Variants in DSCAM observed in about 807,000 individuals in gnomAD.
DSCAM encodes DS cell adhesion molecule.
In DSCAM, 47 loss-of-function variants were observed where a neutral mutation model predicts 217.7. The observed-to-expected ratio is 0.22, with a 90% CI of 0.17 to 0.28. The LOEUF is 0.28. Ranked by LOEUF, DSCAM falls within the 10% of genes least tolerant of loss-of-function variation. The probability of loss-of-function intolerance (pLI) is 1.00; values close to 1 mark genes in which losing one functional copy is unlikely to be tolerated. For synonymous variants in DSCAM, 1,056 were observed against 1,015.3 expected, an observed-to-expected ratio of 1.04 and a Z score of -0.76; for missense variants, 2,080 against 2,618.3, an observed-to-expected ratio of 0.79 and a Z score of 4.49.
intron 1 of DSCAM, among the ~76,000 whole-genome samples, chr21:40,786,926 C>T (rs979979493): frequency 7.9e-5 from 12 of 152,146 alleles, no homozygotes; most frequent in African/African-American, 2.4e-4. Flanking sequence ...CTCAGAGAGG[C>T]TAAGTTACTT....
intron 6 of DSCAM, among the ~76,000 whole-genome samples, chr21:40,342,648 A>ATATAT (rs61637421): frequency 0.012 from 932 of 80,302 alleles, 19 homozygotes; most frequent in Admixed American, 0.021. Context: ...ATATATATAT[A>ATATAT]TTTTTTTTTT....
intron 11 of DSCAM, among the ~76,000 whole-genome samples, chr21:40,271,438 G>T (rs564306464): frequency 6.6e-6 from 1 of 152,184 alleles, no homozygotes; most frequent in African/African-American, 2.4e-5. Context: ...CAGTGTTCCC[G>T]GAAACACGAG....
chr21:40,405,363 G>A (rs1165093783), intron 3 of DSCAM, among the ~76,000 whole-genome samples: 2 of 152,132 alleles, frequency 1.3e-5, no homozygotes, highest in East Asian at 3.8e-4. Context: ...TATATCCACT[G>A]GTGCAATTTT....
At chr21:40,057,935 G>A (rs545451961) in intron 28 of DSCAM, among the ~76,000 whole-genome samples, 1 of 146,270 alleles carries the variant, frequency 6.8e-6, no homozygotes, top group Non-Finnish European at 1.5e-5. Context: ...GAGTGCAGTG[G>A]CGCGATCTCA....
Position 40,180,320 on chromosome 21 carries a change from T to C in DSCAM, c.2780-1226A>G, listed in dbSNP as rs149329099. Among the ~76,000 whole-genome samples, 542 of 152,248 alleles carry C rather than the reference T, an allele frequency of 3.6e-3. 3 individuals carry two copies. The highest frequency in any genetic ancestry group is 5.7e-3 in the Admixed American group (87 of 15,306). On this transcript the variant is annotated intron_variant, in intron 14 of 32. Transcript: ENST00000400454. ...ATTTTCTGGAATTGAAGAAAAAATA[T>C]GTGGCTTAAAGACTGCTTTTGGATA... is the stretch of plus-strand genomic sequence containing the variant.
intron 3 of DSCAM, among the ~76,000 whole-genome samples, chr21:40,459,226 G>T (rs1477604670): frequency 6.6e-6 from 1 of 151,970 alleles, no homozygotes; most frequent in African/African-American, 2.4e-5. Flanking sequence ...ATTAAACTAA[G>T]CAAGAAAAGA....
chr21:40,669,582 T>TTA (rs150530466), intron 3 of DSCAM, among the ~76,000 whole-genome samples: 126 of 43,000 alleles, frequency 2.9e-3, no homozygotes, highest in African/African-American at 5.8e-3. Context: ...CCAAATGTTG[T>TTA]TATATATATT....
At chr21:40,130,909 G>C (rs954521838) in intron 19 of DSCAM, among the ~76,000 whole-genome samples, 1 of 148,910 alleles carries the variant, frequency 6.7e-6, no homozygotes, top group African/African-American at 2.5e-5. Flanking sequence ...CCCTAGATTA[G>C]GAAGACTGGT....
intron 3 of DSCAM, among the ~76,000 whole-genome samples, chr21:40,668,330 C>G (rs1209947538): frequency 6.6e-6 from 1 of 152,196 alleles, no homozygotes; most frequent in Non-Finnish European, 1.5e-5. Context: ...TGACAGGCAG[C>G]ATCAGTTGTG....
intron 20 of DSCAM, 142 bp downstream of exon 20, chr21:40,124,053 A>T: frequency 9.2e-7 from 1 of 1,085,652 alleles, no homozygotes; most frequent in Non-Finnish European, 1.3e-6. Context: ...TTTGTTTTGT[A>T]TGTGGAGACA....
chr21:40,757,954 A>G (rs2091292161), intron 1 of DSCAM, among the ~76,000 whole-genome samples: 1 of 152,188 alleles, frequency 6.6e-6, no homozygotes, highest in Admixed American at 6.5e-5. Context: ...GGAAATAAGA[A>G]CTTTGTAGAT....
intron 27 of DSCAM, among the ~76,000 whole-genome samples, chr21:40,069,140 C>T (rs1205950238): frequency 1.3e-5 from 2 of 151,632 alleles, no homozygotes; most frequent in Non-Finnish European, 2.9e-5. Flanking sequence ...TCATAATGGG[C>T]AGTTCATACT....
At chr21:40,530,006 G>A (rs892719755) in intron 3 of DSCAM, among the ~76,000 whole-genome samples, 1 of 152,194 alleles carries the variant, frequency 6.6e-6, no homozygotes, top group African/African-American at 2.4e-5. Context: ...CTCTAAGGGT[G>A]CTGTTTATTT....
At chr21:40,219,901 C>T (rs918639924) in intron 11 of DSCAM, among the ~76,000 whole-genome samples, 2 of 152,084 alleles carry the variant, frequency 1.3e-5, no homozygotes, top group Non-Finnish European at 2.9e-5. Flanking sequence ...CACCAAATAG[C>T]ATTTTTGAAT....
chr21:40,038,205 G>A (rs2088666588), intron 32 of DSCAM, among the ~76,000 whole-genome samples: 1 of 135,558 alleles, frequency 7.4e-6, no homozygotes, highest in African/African-American at 2.8e-5. Context: ...CACAGCAAAA[G>A]AAACTACCAT....
In DSCAM at chr21:40,369,548, T is replaced by G. The variant is rs374987250; in HGVS notation, c.509-303A>C. Among the ~76,000 whole-genome samples the G allele has an allele frequency of 2.4e-4, 36 of 152,228 alleles. No individual in the cohort carries two copies. In the East Asian group the frequency reaches 6.6e-3, roughly 28 times the overall value. The stretch of plus-strand genomic sequence containing the variant: ...ATAAACTTTTTTTTAGATCATGCAT[T>G]TATCTTACAGCAACGAAGTTGTCAT... On this transcript the variant is annotated intron_variant, in intron 3 of 32. Transcript: ENST00000400454.
Position 40,353,595 on chromosome 21 carries a change from T to G in DSCAM, c.804A>C (p.Ser268=). ...WLKDNMPLEL[S]GRFQKTVTGL... The stretch of plus-strand genomic sequence containing the variant: ...CCGTCACGGTCTTCTGGAACCTCCC[T>G]GAAAGTTCCAGGGGCATGTTGTCCT... The change falls in exon 5 of 33, where the codon TCA becomes TCC. Residue 268 remains serine, a synonymous_variant. Coordinates refer to ENST00000400454, the MANE Select transcript of DSCAM (RefSeq NM_001389.5). 6.2e-7 allele frequency: 1 copy of G among 1,610,446 alleles called. No homozygotes were observed. The highest frequency in any genetic ancestry group is 8.5e-7 in the Non-Finnish European group (1 of 1,179,180).
intron 24 of DSCAM, among the ~76,000 whole-genome samples, chr21:40,083,095 TC>T (rs2089485431): frequency 6.6e-6 from 1 of 152,218 alleles, no homozygotes; most frequent in Non-Finnish European, 1.5e-5. Flanking sequence ...CTAGCTTAAC[TC>T]CACCCACACT....
intron 3 of DSCAM, among the ~76,000 whole-genome samples, chr21:40,632,040 G>A (rs372357082): frequency 2.0e-5 from 3 of 152,316 alleles, no homozygotes; most frequent in South Asian, 2.1e-4. Flanking sequence ...AACAGCACGC[G>A]TCCACGCAGT....
Sources: allele counts gnomAD v4.1 joint callset (sites outside exome capture counted in the v4.1 genomes callset), GRCh38; gene constraint gnomAD v4.1.1; transcripts MANE v1.5; gene names NCBI Gene and HGNC (gene_info 2026-07-23, HGNC 2026-07-21).